SH2B2: variants seen among roughly 807,000 people sequenced by gnomAD.
The protein encoded by SH2B2 is SH2B adaptor protein 2.
A neutral mutation model predicts 35.7 loss-of-function variants in SH2B2; 37 were observed. That is an observed-to-expected ratio of 1.04 (90% CI 0.80 to 1.36). The LOEUF (loss-of-function observed/expected upper bound fraction) is 1.36, where lower values mean the gene tolerates loss of function less well. SH2B2 is among the 40% of genes most tolerant of loss of function. The pLI, the probability that SH2B2 is intolerant of heterozygous loss-of-function variation, is 0.00. For synonymous variants in SH2B2, 383 were observed against 376.4 expected (o/e 1.02, Z -0.20); for missense variants, 852 against 817.7 (o/e 1.04, Z -0.51).
At chr7:102,317,047 C>T in intron 6 of SH2B2, 140 bp from the exon 7 acceptor site, 1 of 749,456 alleles carries the variant, frequency 1.3e-6, no homozygotes. Context: ...AACTAAAAAC[C>T]AACCAACTTT....
chr7:102,286,499 G>A (rs1161909814), upstream of SH2B2, among the ~76,000 whole-genome samples: 1 of 152,110 alleles, frequency 6.6e-6, no homozygotes, highest in African/African-American at 2.4e-5. Flanking sequence ...CCGCGCTCCC[G>A]GGGCCACCAC....
chr7:102,300,453 G>T, intron 1 of SH2B2, 69 bp from the exon 2 acceptor site: 1 of 1,457,676 alleles, frequency 6.9e-7, no homozygotes, highest in Non-Finnish European at 9.0e-7. Context: ...TAGGGGAGCT[G>T]GAAGGAGGGG....
intron 6 of SH2B2, 47 bp from the exon 7 acceptor site, chr7:102,317,140 C>A (rs782179366): frequency 6.9e-7 from 1 of 1,443,348 alleles, no homozygotes; most frequent in South Asian, 1.3e-5. Context: ...TATTTGTCCC[C>A]CTTTCTCCTT....
chr7:102,315,518 G>A (rs1793790504), intron 6 of SH2B2, among the ~76,000 whole-genome samples: 1 of 151,716 alleles, frequency 6.6e-6, no homozygotes. Flanking sequence ...TGGTAGAGAT[G>A]GGGTTTTGCC....
At chr7:102,285,384 A>T (rs561552242), upstream of SH2B2, 5 of 708,056 alleles carry the variant, frequency 7.1e-6, no homozygotes, top group Non-Finnish European at 1.2e-5. Context: ...GGCCTCATTC[A>T]TAGGTGTCCT....
At chr7:102,320,601 T>C in intron 8 of SH2B2, 99 bp downstream of exon 8, 2 of 1,445,926 alleles carry the variant, frequency 1.4e-6, no homozygotes, top group South Asian at 1.3e-5. Flanking sequence ...CCAGGTCTCC[T>C]GTCCCATAGC....
rs555629900 is a variant in SH2B2, at chr7:102,296,734, C to G, written c.-29-3788C>G. On this transcript the variant is annotated intron_variant, in intron 1 of 8. Coordinates refer to ENST00000444095, the MANE Select transcript of SH2B2 (RefSeq NM_001359228.2). ...ATTTGAATGGGAATTCTGGGGGAAG[C>G]CAGATTCCAGAACGTGGGAATGTAA... Among the ~76,000 whole-genome samples, 7 of 152,258 alleles carry G rather than the reference C, an allele frequency of 4.6e-5. No homozygotes were observed. The East Asian group carries it at 1.4e-3, about 29-fold the overall frequency.
rs376043619 is a variant in SH2B2, at chr7:102,317,301, G to C, written c.1301G>C (p.Gly434Ala). The change falls in exon 7 of 9, where the codon GGG becomes GCG. Residue 434 changes from glycine (G) to alanine (A), a missense_variant. Gly to Ala is a moderately conservative substitution (Grantham distance 60, BLOSUM62 0). This residue lies in a region of SH2B2 where 556 missense variants were observed against 514.5 expected (regional missense o/e 1.08). Coordinates refer to ENST00000444095, the MANE Select transcript of SH2B2 (RefSeq NM_001359228.2). ...AAGGCTGCTCAACTGGTTCTGGCAG[G>C]GGGGCCCCGGAACCACGGCCTCTTC... The part of the protein sequence containing the change: ...RVKAAQLVLA[G>A]GPRNHGLFVI... 5.6e-6 allele frequency: 9 copies of C among 1,613,554 alleles called. No homozygotes were observed. Among genetic ancestry groups the C allele is most frequent in the Admixed American group, 1.7e-5 (1 of 60,006 alleles).
chr7:102,305,006 G>T (rs1793334978), intron 2 of SH2B2, among the ~76,000 whole-genome samples: 1 of 152,230 alleles, frequency 6.6e-6, no homozygotes, highest in East Asian at 1.9e-4. Flanking sequence ...ACGGCAGGGA[G>T]CTTTGAGGCA....
At chr7:102,295,862 T>TC (rs1353828975) in intron 1 of SH2B2, among the ~76,000 whole-genome samples, 1 of 151,958 alleles carries the variant, frequency 6.6e-6, no homozygotes, top group Non-Finnish European at 1.5e-5. Flanking sequence ...TCCCCATCCT[T>TC]CCCCCACCTT....
At chr7:102,305,809 T>A (rs1793368164) in intron 2 of SH2B2, among the ~76,000 whole-genome samples, 1 of 151,836 alleles carries the variant, frequency 6.6e-6, no homozygotes, top group Non-Finnish European at 1.5e-5. Flanking sequence ...TCCTCAGGGC[T>A]TGGAGGTAGG....
chr7:102,298,305 CAAGTG>C (rs1231290460), intron 1 of SH2B2, among the ~76,000 whole-genome samples: 1 of 152,112 alleles, frequency 6.6e-6, no homozygotes, highest in African/African-American at 2.4e-5. Context: ...TCTCTATCAC[CAAGTG>C]AAGTGCATTG....
At chr7:102,295,256 A>T (rs546867813) in intron 1 of SH2B2, among the ~76,000 whole-genome samples, 32 of 152,092 alleles carry the variant, frequency 2.1e-4, no homozygotes, top group Admixed American at 3.9e-4. Context: ...CCCCACACCT[A>T]CCCTTCCCAG....
At chr7:102,306,640 C>T in intron 2 of SH2B2, 81 bp from the exon 3 acceptor site, 1 of 1,038,890 alleles carries the variant, frequency 9.6e-7, no homozygotes, top group Admixed American at 2.0e-5. Context: ...GAGGGCCACT[C>T]TAACACCTGG....
At chr7:102,315,744 G>GAAAA (rs61456197) in intron 6 of SH2B2, among the ~76,000 whole-genome samples, 69 of 90,546 alleles carry the variant, frequency 7.6e-4, no homozygotes, top group Middle Eastern at 7.2e-3. Context: ...CCTGTGAAAA[G>GAAAA]AAAAAAAAAA....
intron 4 of SH2B2, among the ~76,000 whole-genome samples, chr7:102,313,836 C>T (rs1303386960): frequency 6.6e-6 from 1 of 151,584 alleles, no homozygotes; most frequent in Non-Finnish European, 1.5e-5. Context: ...CGCTTGAACC[C>T]AGGAGGCAGA....
chr7:102,317,357 G>A lies in SH2B2; in HGVS notation c.1357G>A (p.Glu453Lys). 5 of 1,603,834 alleles carry A rather than the reference G, an allele frequency of 3.1e-6. No individual in the cohort carries two copies. Among genetic ancestry groups the A allele is most frequent in the Non-Finnish European group, 3.4e-6 (4 of 1,172,242 alleles). The change falls in exon 7 of 9, where the codon GAG becomes AAG. Residue 453 changes from glutamate to lysine, a missense_variant. By Grantham distance (56) the Glu-to-Lys change is moderately conservative. Around this residue, in one of 3 missense-constraint regions of SH2B2, gnomAD observed 556 missense variants for 514.5 expected, o/e 1.08. Coordinates refer to ENST00000444095, the MANE Select transcript of SH2B2 (RefSeq NM_001359228.2). Reference protein sequence around the residue: ...VIRQSETRPGEYVLTFNFQGK... With the variant: ...VIRQSETRPGKYVLTFNFQGK... ...CCGCCAAAGTGAGACTCGGCCTGGG[G>A]AGTACGTGCTGACCTTCAACTTCCA...
upstream of SH2B2, chr7:102,285,295 GGAGGGTGGAGACCACA>G: frequency 7.0e-7 from 1 of 1,419,928 alleles, no homozygotes; most frequent in Non-Finnish European, 9.7e-7. Context: ...CCCTCTCCCA[GGAGGGTGGAGACCACA>G]ACCAGGCCAT....
chr7:102,320,324 C>A lies in SH2B2; in HGVS notation c.1396-7C>A. 6.2e-7 allele frequency: 1 copy of A among 1,608,358 alleles called. No homozygotes were observed. On this transcript the variant is annotated splice_region_variant and splice_polypyrimidine_tract_variant and intron_variant, in intron 7 of 8. Coordinates refer to ENST00000444095, the MANE Select transcript of SH2B2 (RefSeq NM_001359228.2). ...CTGCCCCTGACCACACCCACCTGTA[C>A]CCACAGCACCTGCGCCTGTCCCTGA...
Sources: allele counts gnomAD v4.1 joint callset (sites outside exome capture counted in the v4.1 genomes callset), GRCh38; gene constraint gnomAD v4.1.1; regional missense constraint gnomAD v4.1.1; transcripts MANE v1.5; gene names NCBI Gene and HGNC (gene_info 2026-07-23, HGNC 2026-07-21).